The following TENM3 variants were observed in gnomAD, a reference collection of about 807,000 sequenced individuals.
The protein encoded by TENM3 is teneurin transmembrane protein 3, also known as teneurin-3.
Under a neutral mutation model 255.1 loss-of-function variants are expected in TENM3, and 63 were observed. The ratio of observed to expected loss-of-function variants is 0.25; its 90% CI spans 0.20 to 0.30. The LOEUF is 0.30. TENM3 is among the 10% of genes least tolerant of loss of function. The pLI is 1.00. For synonymous variants in TENM3, 1,306 were observed against 1,322.3 expected (o/e 0.99, Z 0.27); for missense variants, 2,929 against 3,461.1 (o/e 0.85, Z 3.86).
intron 18 of TENM3, 137 bp from the exon 19 acceptor site, chr4:182,743,033 A>C (rs1456248131): frequency 1.1e-6 from 1 of 904,080 alleles, no homozygotes; most frequent in Non-Finnish European, 1.6e-6. Context: ...AATTCATTCC[A>C]ATGGAGCTTC....
the TENM3 span, among the ~76,000 whole-genome samples, chr4:181,583,234 G>C: frequency 2.0e-5 from 3 of 151,178 alleles, no homozygotes; most frequent in Non-Finnish European, 4.4e-5. Context: ...ACTTTAAAAC[G>C]ATCTGTGTGA....
At chr4:182,176,941 C>T (rs1295812982) in intron 1 of TENM3, among the ~76,000 whole-genome samples, 1 of 149,300 alleles carries the variant, frequency 6.7e-6, no homozygotes, top group African/African-American at 2.5e-5. Flanking sequence ...TCCCAAAATG[C>T]TGGAATTACA....
At chr4:181,853,767 C>T in the TENM3 span, among the ~76,000 whole-genome samples, 28 of 152,252 alleles carry the variant, frequency 1.8e-4, no homozygotes, top group African/African-American at 6.3e-4. Flanking sequence ...AAAACGGTCC[C>T]GGAGGGTTAA....
At chr4:181,593,435 G>C in the TENM3 span, among the ~76,000 whole-genome samples, 1 of 152,112 alleles carries the variant, frequency 6.6e-6, no homozygotes, top group Admixed American at 6.6e-5. Context: ...AGAGACACTT[G>C]GTCCAAAATA....
At chr4:182,466,383 C>G (rs897700697) in intron 3 of TENM3, among the ~76,000 whole-genome samples, 12 of 152,136 alleles carry the variant, frequency 7.9e-5, no homozygotes, top group Non-Finnish European at 1.8e-4. Context: ...ATCATTTTAC[C>G]TCCATTTTCA....
At chr4:182,200,773 T>G (rs1254947228) in intron 1 of TENM3, among the ~76,000 whole-genome samples, 1 of 151,862 alleles carries the variant, frequency 6.6e-6, no homozygotes, top group Non-Finnish European at 1.5e-5. Context: ...AAATGAGCCG[T>G]TCATACAAAC....
intron 26 of TENM3, 82 bp from the exon 27 acceptor site, chr4:182,796,555 T>G (rs1188843205): frequency 1.5e-6 from 2 of 1,299,298 alleles, no homozygotes; most frequent in South Asian, 3.8e-5. Flanking sequence ...GAAATTGGAT[T>G]TTCTTTTTAA....
intron 22 of TENM3, among the ~76,000 whole-genome samples, chr4:182,758,764 A>C (rs924832424): frequency 6.6e-6 from 1 of 152,122 alleles, no homozygotes; most frequent in Non-Finnish European, 1.5e-5. Flanking sequence ...TGTCACCAAA[A>C]CCACAACGAG....
At chr4:182,621,695 T>TACATATTATAATATATAATATGTATTA (rs1750205859) in intron 4 of TENM3, among the ~76,000 whole-genome samples, 1 of 5,366 alleles carries the variant, frequency 1.9e-4, no homozygotes, top group Non-Finnish European at 5.4e-4. Context: ...ATAATATATA[T>TACATATTATAATATATAATATGTATTA]TATATATAAA....
the TENM3 span, among the ~76,000 whole-genome samples, chr4:181,484,893 A>G: frequency 6.6e-6 from 1 of 152,206 alleles, no homozygotes; most frequent in Non-Finnish European, 1.5e-5. Context: ...AAATATTGAT[A>G]TAAAGAGTTA....
chr4:181,659,128 T>G, the TENM3 span, among the ~76,000 whole-genome samples: 6 of 152,236 alleles, frequency 3.9e-5, no homozygotes, highest in African/African-American at 1.4e-4. Context: ...GAAGCATTCC[T>G]AATTTTGCTT....
At chr4:182,371,449 T>C (rs1305015238) in intron 3 of TENM3, among the ~76,000 whole-genome samples, 1 of 152,210 alleles carries the variant, frequency 6.6e-6, no homozygotes, top group Non-Finnish European at 1.5e-5. Flanking sequence ...TCTGTGACCC[T>C]TTTCTTCAAT....
chr4:182,733,013 C>T (rs1342930680), intron 16 of TENM3, among the ~76,000 whole-genome samples: 1 of 152,174 alleles, frequency 6.6e-6, no homozygotes, highest in Middle Eastern at 3.2e-3. Flanking sequence ...GAAGTACCTG[C>T]TCTAACTGAG....
the TENM3 span, among the ~76,000 whole-genome samples, chr4:181,843,396 G>A: frequency 6.6e-6 from 1 of 152,132 alleles, no homozygotes; most frequent in Non-Finnish European, 1.5e-5. Context: ...CTTGAATGGG[G>A]TCCAAGGTAG....
the TENM3 span, among the ~76,000 whole-genome samples, chr4:181,704,657 A>G: frequency 1.1e-3 from 165 of 152,280 alleles, 2 homozygotes; most frequent in Admixed American, 3.7e-3. Context: ...CTAGCCTATA[A>G]TATTTACCCA....
chr4:182,712,723 A>G (rs570132039), intron 12 of TENM3, among the ~76,000 whole-genome samples: 62 of 152,330 alleles, frequency 4.1e-4, no homozygotes, highest in African/African-American at 1.5e-3. Context: ...TTCTTCTAAC[A>G]CAGACTTAAA....
the TENM3 span, among the ~76,000 whole-genome samples, chr4:181,926,060 C>T: frequency 6.6e-6 from 1 of 152,148 alleles, no homozygotes; most frequent in Admixed American, 6.5e-5. Context: ...TAAAGAAAGA[C>T]ACATGGTGAG....
chr4:182,669,258 A>C (rs1262466933), intron 6 of TENM3, among the ~76,000 whole-genome samples: 1 of 145,510 alleles, frequency 6.9e-6, no homozygotes, highest in Non-Finnish European at 1.5e-5. Flanking sequence ...TATAATATCC[A>C]TGTCACGTTT....
chr4:181,709,493 T>A, the TENM3 span, among the ~76,000 whole-genome samples: 7,298 of 152,314 alleles, frequency 0.048, 247 homozygotes, highest in Middle Eastern at 0.15. Context: ...TCTAAAAGTT[T>A]AATAGTGAAC....
Sources: allele counts gnomAD v4.1 joint callset (sites outside exome capture counted in the v4.1 genomes callset), GRCh38; gene constraint gnomAD v4.1.1; transcripts MANE v1.5; gene names NCBI Gene and HGNC (gene_info 2026-07-23, HGNC 2026-07-21).